MMP26: variants seen among roughly 807,000 people sequenced by gnomAD.
MMP26 encodes matrix metallopeptidase 26.
In MMP26, 33 loss-of-function variants were observed where a neutral mutation model predicts 31.0. The observed-to-expected ratio is 1.06, with a 90% CI of 0.81 to 1.42. The LOEUF (loss-of-function observed/expected upper bound fraction) is 1.42. Among genes scored for constraint, MMP26 ranks in the 40% most tolerant of loss-of-function variants. The probability of loss-of-function intolerance (pLI) is 0.00; values close to 1 mark genes in which losing one functional copy is unlikely to be tolerated. For missense variants in MMP26, 347 were observed against 316.1 expected (o/e 1.10, Z -0.74); for synonymous variants, 122 against 114.9 (o/e 1.06, Z -0.40).
intron 2 of MMP26, among the ~76,000 whole-genome samples, chr11:4,818,472 T>G (rs1432992177): frequency 6.6e-6 from 1 of 152,008 alleles, no homozygotes; most frequent in Non-Finnish European, 1.5e-5. Flanking sequence ...TTTGTAAAAT[T>G]TTCTTGACTG....
intron 2 of MMP26, among the ~76,000 whole-genome samples, chr11:4,781,701 G>T (rs1848866471): frequency 6.7e-6 from 1 of 150,288 alleles, no homozygotes; most frequent in Admixed American, 6.7e-5. Flanking sequence ...CCCTGATGTG[G>T]TTTGTCTCTG....
chr11:4,925,655 A>G (rs1851260482), intron 2 of MMP26, among the ~76,000 whole-genome samples: 1 of 152,108 alleles, frequency 6.6e-6, no homozygotes, highest in South Asian at 2.1e-4. Context: ...TAACTTTTAA[A>G]TGAGGGCAGG....
chr11:4,791,556 A>G (rs1041865460), intron 2 of MMP26, among the ~76,000 whole-genome samples: 1 of 152,092 alleles, frequency 6.6e-6, no homozygotes, highest in South Asian at 2.1e-4. Flanking sequence ...GGGTCATTAT[A>G]TTGTTAATAC....
At chr11:4,970,946 G>T (rs1373212671) in intron 2 of MMP26, among the ~76,000 whole-genome samples, 1 of 152,144 alleles carries the variant, frequency 6.6e-6, no homozygotes, top group African/African-American at 2.4e-5. Flanking sequence ...TGAAGGGAGT[G>T]AATAGACCTG....
In MMP26 at chr11:4,708,886, C is replaced by G. The variant is rs189229282; in HGVS notation, c.-217+3841C>G. Among the ~76,000 whole-genome samples the G allele has an allele frequency of 2.5e-3, 377 of 152,264 alleles. 2 individuals are homozygous for G. Among genetic ancestry groups the G allele is most frequent in the African/African-American group, 8.6e-3 (359 of 41,560 alleles). ...GCCATCTTTTTTCAGGCAGAATATC[C>G]TTTGAACATAATCAACTTCTCAATT... On this transcript the variant is annotated intron_variant, in intron 1 of 7. Coordinates refer to ENST00000380390, the MANE Select transcript of MMP26 (RefSeq NM_021801.5).
At chr11:4,714,045 G>A (rs928357783) in intron 1 of MMP26, among the ~76,000 whole-genome samples, 1 of 152,102 alleles carries the variant, frequency 6.6e-6, no homozygotes, top group Non-Finnish European at 1.5e-5. Context: ...TCAGATATAT[G>A]CTACTTATTT....
At chr11:4,911,545 C>A (rs1368832) in intron 2 of MMP26, among the ~76,000 whole-genome samples, 21,423 of 152,166 alleles carry the variant, frequency 0.14, 1,751 homozygotes, top group Middle Eastern at 0.26. Context: ...GCTTACTTCG[C>A]TCCAGTCACA....
intron 2 of MMP26, among the ~76,000 whole-genome samples, chr11:4,880,654 A>G (rs1024512250): frequency 1.3e-5 from 2 of 152,150 alleles, no homozygotes; most frequent in African/African-American, 2.4e-5. Flanking sequence ...ACTTTCAAGA[A>G]TCTCAAACTT....
chr11:4,943,679 A>G, intron 2 of MMP26: 2 of 357,106 alleles, frequency 5.6e-6, no homozygotes, highest in Non-Finnish European at 1.1e-5. Context: ...TGGAGGTAAC[A>G]TTGCTGCCAG....
chr11:4,707,866 G>GA (rs1467657649), intron 1 of MMP26, among the ~76,000 whole-genome samples: 2 of 152,102 alleles, frequency 1.3e-5, no homozygotes, highest in Non-Finnish European at 2.9e-5. Context: ...GTAGGTCTGA[G>GA]AAAAAATGGT....
chr11:4,960,597 A>G (rs535314590), intron 2 of MMP26, among the ~76,000 whole-genome samples: 6 of 151,632 alleles, frequency 4.0e-5, no homozygotes, highest in African/African-American at 9.7e-5. Flanking sequence ...GTGATCTGCA[A>G]TTGGATCTGA....
intron 2 of MMP26, among the ~76,000 whole-genome samples, chr11:4,916,385 A>G (rs1851091880): frequency 8.8e-6 from 1 of 113,202 alleles, no homozygotes; most frequent in Non-Finnish European, 1.9e-5. Context: ...TGCCTCTTAC[A>G]AATAGATCTT....
intron 2 of MMP26, chr11:4,913,670 T>C (rs1851026865): frequency 2.6e-5 from 4 of 152,192 alleles, no homozygotes; most frequent in Admixed American, 2.0e-4. Context: ...CTGTTTCCAC[T>C]TCACCTCATT....
intron 2 of MMP26, among the ~76,000 whole-genome samples, chr11:4,858,011 G>A (rs1339527021): frequency 2.6e-5 from 4 of 152,174 alleles, no homozygotes; most frequent in African/African-American, 7.2e-5. Flanking sequence ...AAAGGCTTTC[G>A]ACAAAATTCA....
intron 2 of MMP26, among the ~76,000 whole-genome samples, chr11:4,768,754 T>C (rs1212235927): frequency 6.6e-6 from 1 of 152,226 alleles, no homozygotes; most frequent in East Asian, 1.9e-4. Flanking sequence ...GCCAGGAGTA[T>C]TATTTATCAT....
At chr11:4,724,834 G>A (rs1383839383) in intron 1 of MMP26, among the ~76,000 whole-genome samples, 2 of 152,164 alleles carry the variant, frequency 1.3e-5, no homozygotes, top group South Asian at 2.1e-4. Flanking sequence ...AGGAAAACAG[G>A]TCAGGTGACA....
At chr11:4,963,455 G>A (rs373190233) in intron 2 of MMP26, among the ~76,000 whole-genome samples, 12 of 152,214 alleles carry the variant, frequency 7.9e-5, no homozygotes, top group African/African-American at 2.4e-4. Context: ...GAACAAAGCC[G>A]GAGGCATCAT....
intron 2 of MMP26, among the ~76,000 whole-genome samples, chr11:4,915,992 G>C (rs912941360): frequency 3.9e-5 from 6 of 152,090 alleles, no homozygotes; most frequent in Non-Finnish European, 7.4e-5. Context: ...GGTCTTCTTA[G>C]CCACTAGAGT....
chr11:4,772,272 A>C (rs1419263848), intron 2 of MMP26, among the ~76,000 whole-genome samples: 2 of 152,174 alleles, frequency 1.3e-5, no homozygotes, highest in African/African-American at 2.4e-5. Flanking sequence ...ATAAATAGAA[A>C]ATTTACACAC....
Sources: allele counts gnomAD v4.1 joint callset (sites outside exome capture counted in the v4.1 genomes callset), GRCh38; gene constraint gnomAD v4.1.1; transcripts MANE v1.5; gene names NCBI Gene and HGNC (gene_info 2026-07-23, HGNC 2026-07-21).